Variants in PRKN observed in about 807,000 individuals in gnomAD.
PRKN encodes the protein E3 ubiquitin-protein ligase parkin.
A neutral mutation model predicts 59.5 loss-of-function variants in PRKN; 56 were observed. The ratio of observed to expected loss-of-function variants is 0.94; its 90% confidence interval spans 0.76 to 1.18. The LOEUF (loss-of-function observed/expected upper bound fraction) is 1.18. Ranked by LOEUF, PRKN falls within the 50% of genes most tolerant of loss-of-function variation. PRKN has a pLI of 0.00. For synonymous variants in PRKN, 250 were observed against 222.1 expected, an observed-to-expected ratio of 1.13 and a Z score of -1.12; for missense variants, 657 against 596.4, an observed-to-expected ratio of 1.10 and a Z score of -1.06.
At chr6:162,571,894 C>T (rs1780343785) in intron 1 of PRKN, among the ~76,000 whole-genome samples, 1 of 152,146 alleles carries the variant, frequency 6.6e-6, no homozygotes, top group Non-Finnish European at 1.5e-5. Flanking sequence ...ACTCATTGCC[C>T]TGTCATGTTA....
At chr6:161,528,520 C>T (rs908959600) in intron 9 of PRKN, among the ~76,000 whole-genome samples, 4 of 152,206 alleles carry the variant, frequency 2.6e-5, no homozygotes, top group Non-Finnish European at 1.5e-5. Context: ...CTAGAAATCA[C>T]AGCAGAGTGG....
intron 2 of PRKN, among the ~76,000 whole-genome samples, chr6:162,422,789 C>T (rs1789039566): frequency 1.3e-5 from 2 of 151,598 alleles, no homozygotes; most frequent in Admixed American, 1.3e-4. Context: ...TACTAAAATA[C>T]AAAAAAATTA....
At chr6:162,492,694 G>A (rs1792872173) in intron 1 of PRKN, among the ~76,000 whole-genome samples, 1 of 152,020 alleles carries the variant, frequency 6.6e-6, no homozygotes, top group South Asian at 2.1e-4. Flanking sequence ...GCTCACGCCT[G>A]TAATCCCAGC....
intron 2 of PRKN, among the ~76,000 whole-genome samples, chr6:162,265,493 C>A (rs541593294): frequency 6.6e-6 from 1 of 152,264 alleles, no homozygotes; most frequent in African/African-American, 2.4e-5. Flanking sequence ...GAGTTCAAGG[C>A]CAGCCTGGCC....
chr6:161,487,687 G>T lies in PRKN; in HGVS notation c.1083+61167C>A, dbSNP rs1464130260. On this transcript the variant is annotated intron_variant, in intron 9 of 11. Coordinates refer to ENST00000366898, the MANE Select transcript of PRKN (RefSeq NM_004562.3). The surrounding 1 kb of genome is among the most constrained non-coding windows in gnomAD (Gnocchi z 5.3). The stretch of plus-strand genomic sequence containing the variant: ...ATGTGTATTCATGTAGGAGGTAGGG[G>T]TTGTGCCTTCTTTTCCATTCATTCA... 2.6e-5 allele frequency among the ~76,000 whole-genome samples: 4 copies of T among 152,150 alleles called. No homozygotes were observed. The highest frequency in any genetic ancestry group is 2.6e-4 in the Admixed American group (4 of 15,276).
intron 8 of PRKN, among the ~76,000 whole-genome samples, chr6:161,559,158 C>A (rs1205213995): frequency 6.6e-6 from 1 of 151,130 alleles, no homozygotes; most frequent in Non-Finnish European, 1.5e-5. Flanking sequence ...TTCAGGTGAC[C>A]CAATGCCAAA....
At chr6:162,051,351 T>C (rs2128284683) in intron 5 of PRKN, among the ~76,000 whole-genome samples, 1 of 152,196 alleles carries the variant, frequency 6.6e-6, no homozygotes, top group East Asian at 1.9e-4. Context: ...GTGAGTGTAA[T>C]GTGTGAAGAA....
intron 6 of PRKN, among the ~76,000 whole-genome samples, chr6:161,819,634 G>A (rs1791937292): frequency 6.6e-6 from 1 of 152,104 alleles, no homozygotes; most frequent in African/African-American, 2.4e-5. Context: ...AAAAATACAT[G>A]CAGAGCTTCT....
At chr6:161,614,652 T>C (rs1176494662) in intron 7 of PRKN, among the ~76,000 whole-genome samples, 1 of 152,244 alleles carries the variant, frequency 6.6e-6, no homozygotes, top group Non-Finnish European at 1.5e-5. Flanking sequence ...TTGATATTGT[T>C]TCACATATAT....
Position 161,413,087 on chromosome 6 carries a change from C to T in PRKN, c.1084-26210G>A, listed in dbSNP as rs1356102405. On this transcript the variant is annotated intron_variant, in intron 9 of 11. Transcript: ENST00000366898. The surrounding 1 kb of genome is among the most constrained non-coding windows in gnomAD (Gnocchi z 4.4). ...TTTATTCTGGCAGCAAATTCAGCTC[C>T]TTTGGAAATTATATTACCTTTTCTG... Among the ~76,000 whole-genome samples, 1 of 152,212 alleles carries T rather than the reference C, an allele frequency of 6.6e-6. No homozygotes were observed. The highest frequency in any genetic ancestry group is 2.4e-5 in the African/African-American group (1 of 41,446).
intron 9 of PRKN, among the ~76,000 whole-genome samples, chr6:161,516,844 A>AG (rs386409166): frequency 3.3e-5 from 5 of 150,654 alleles, no homozygotes; most frequent in Admixed American, 6.6e-5. Context: ...AAAAAAAAAA[A>AG]AAAGAAAGAA....
chr6:162,194,439 G>A (rs886451012), intron 4 of PRKN, among the ~76,000 whole-genome samples: 4 of 152,024 alleles, frequency 2.6e-5, no homozygotes, highest in South Asian at 4.1e-4. Flanking sequence ...GAACATTTAC[G>A]GGTTTGAAAC....
intron 1 of PRKN, among the ~76,000 whole-genome samples, chr6:162,472,056 C>A (rs1295036826): frequency 6.6e-6 from 1 of 152,126 alleles, no homozygotes; most frequent in African/African-American, 2.4e-5. Flanking sequence ...GTCAATGACA[C>A]TGGGGAACGC....
rs1777875280 is a variant in PRKN, at chr6:162,056,564, T to C, written c.535-2390A>G. Among the ~76,000 whole-genome samples the C allele has an allele frequency of 6.6e-6, 1 of 152,162 alleles. No homozygotes were observed. Among genetic ancestry groups the C allele is most frequent in the Non-Finnish European group, 1.5e-5 (1 of 68,034 alleles). On this transcript the variant is annotated intron_variant, in intron 4 of 11. Transcript: ENST00000366898. The surrounding 1 kb of genome is among the most constrained non-coding windows in gnomAD (Gnocchi z 4.9). ...GCCACCGCTTAATATGGAGGTAAAT[T>C]TGCAGAAGAGTTCTAGCAGGACTGA... is the stretch of plus-strand genomic sequence containing the variant.
Position 161,897,966 on chromosome 6 carries a change from C to CAAAAAAAAAAAAAAAAAAAA in PRKN, c.734+75335_734+75336insTTTTTTTTTTTTTTTTTTTT, listed in dbSNP as rs55714271. ...TGGGTGACAGAGCGAGACTCCGTCT[C>CAAAAAAAAAAAAAAAAAAAA]AAAAAAAAAAAAAAAAAAGTCTCCC... is the stretch of plus-strand genomic sequence containing the variant. On this transcript the variant is annotated intron_variant, in intron 6 of 11. Transcript: ENST00000366898. Among the ~76,000 whole-genome samples the CAAAAAAAAAAAAAAAAAAAA allele has an allele frequency of 7.3e-4, 28 of 38,282 alleles. 2 individuals carry two copies. Among genetic ancestry groups the CAAAAAAAAAAAAAAAAAAAA allele is most frequent in the Middle Eastern group, 0.011 (1 of 88 alleles). The allele number at this position is 38,282 out of a possible 152,430, so 25.1% of individuals were successfully genotyped here.
chr6:162,146,105 G>A (rs764917740), intron 4 of PRKN, among the ~76,000 whole-genome samples: 1 of 152,150 alleles, frequency 6.6e-6, no homozygotes, highest in African/African-American at 2.4e-5. Flanking sequence ...TAGGAAGTCA[G>A]TGTGAAACGG....
intron 1 of PRKN, among the ~76,000 whole-genome samples, chr6:162,630,814 C>A (rs1293493386): frequency 6.6e-6 from 1 of 152,030 alleles, no homozygotes; most frequent in Admixed American, 6.6e-5. Context: ...AGCAGGTTCC[C>A]AAGTTGATGA....
chr6:161,617,731 A>G (rs754077361), intron 7 of PRKN, among the ~76,000 whole-genome samples: 10 of 152,360 alleles, frequency 6.6e-5, no homozygotes, highest in Non-Finnish European at 1.3e-4. Flanking sequence ...ATAAGCTAAT[A>G]GATTATACAA....
At chr6:161,882,708 A>G (rs1311028807) in intron 6 of PRKN, among the ~76,000 whole-genome samples, 1 of 152,204 alleles carries the variant, frequency 6.6e-6, no homozygotes, top group Non-Finnish European at 1.5e-5. Flanking sequence ...GGTTGAATTA[A>G]GATACAACTC....
Sources: gnomAD v4.1 joint callset for allele counts (sites outside exome capture counted in the v4.1 genomes callset) on GRCh38, gnomAD v4.1.1 for gene constraint, Gnocchi (gnomAD v3.1) non-coding constraint, MANE v1.5 for transcripts, NCBI Gene and HGNC (gene_info 2026-07-23, HGNC 2026-07-21) for gene names.